TCF7L1: variants seen among roughly 807,000 people sequenced by gnomAD.
TCF7L1 encodes the protein transcription factor 7 like 1.
In TCF7L1, 18 loss-of-function variants were observed where a neutral mutation model predicts 63.7. That is an observed-to-expected ratio of 0.28 (90% CI 0.20 to 0.42). The LOEUF (loss-of-function observed/expected upper bound fraction) is 0.42. TCF7L1 is among the 10% of genes least tolerant of loss of function. The probability of loss-of-function intolerance (pLI) is 1.00; values close to 1 mark genes in which losing one functional copy is unlikely to be tolerated. For synonymous variants in TCF7L1, 355 were observed against 340.9 expected, an observed-to-expected ratio of 1.04 and a Z score of -0.46; for missense variants, 654 against 779.3, an observed-to-expected ratio of 0.84 and a Z score of 1.91.
At position 85,294,340 on chromosome 2, in the gene TCF7L1, A is replaced by G. The variant is rs142238970; in HGVS notation, c.526-8144A>G. On this transcript the variant is annotated intron_variant, in intron 4 of 11. Transcript: ENST00000282111. ...CGTGAGCCACCACGCCTGGCCGAGCATTGGGAATTTTAAAAGCTCTCTGGA... is the reference window on the plus strand; with the variant it reads ...CGTGAGCCACCACGCCTGGCCGAGCGTTGGGAATTTTAAAAGCTCTCTGGA... 9.5e-3 allele frequency among the ~76,000 whole-genome samples: 1,451 copies of G among 152,106 alleles called. 9 individuals carry two copies. Among genetic ancestry groups the G allele is most frequent in the Middle Eastern group, 0.044 (13 of 294 alleles).
At chr2:85,301,731 T>G (rs1681982329) in intron 4 of TCF7L1, among the ~76,000 whole-genome samples, 1 of 152,208 alleles carries the variant, frequency 6.6e-6, no homozygotes, top group Non-Finnish European at 1.5e-5. Flanking sequence ...CTTGGTAGTA[T>G]GAGGTCTAAT....
At position 85,134,197 on chromosome 2, in the gene TCF7L1, T is replaced by A. The variant is rs1414967437; in HGVS notation, c.313+118T>A. On this transcript the variant is annotated intron_variant, in intron 2 of 11. Transcript: ENST00000282111. This position sits in a 1 kb window ranked among gnomAD's most constrained non-coding sequence, Gnocchi z 5.0. ...ACGCACCCTTGCCCTCCGCCTTTAT[T>A]GGCGGCAGCCCCCGTGGGGCGCGCG... is the stretch of plus-strand genomic sequence containing the variant. The A allele has an allele frequency of 6.7e-7, 1 of 1,492,354 alleles. No homozygotes were observed. Among genetic ancestry groups the A allele is most frequent in the Non-Finnish European group, 8.9e-7 (1 of 1,117,608 alleles). The allele number at this position is 1,492,354 out of a possible 1,614,324, so 92.4% of individuals were successfully genotyped here.
At chr2:85,240,285 A>G (rs1451634162) in intron 3 of TCF7L1, among the ~76,000 whole-genome samples, 1 of 152,182 alleles carries the variant, frequency 6.6e-6, no homozygotes, top group Non-Finnish European at 1.5e-5. Flanking sequence ...CCTCTCTCAC[A>G]AGGCTGTTGT....
chr2:85,134,556 C>A lies in TCF7L1; in HGVS notation c.441+106C>A. The A allele has an allele frequency of 7.0e-7, 1 of 1,424,752 alleles. No homozygotes were observed. Among genetic ancestry groups the A allele is most frequent in the Non-Finnish European group, 9.3e-7 (1 of 1,073,578 alleles). The allele number at this position is 1,424,752 out of a possible 1,614,324, so 88.3% of individuals were successfully genotyped here. A position where few individuals can be genotyped will look rare whatever the true frequency, so the allele number is the denominator to read the frequency against. Reference sequence around the variant, plus strand: ...GGGATGGGGCCTTCTGCGCCGATCCCAAGCAGAACTTGTTTGCGGAGTTGA... The same window carrying A: ...GGGATGGGGCCTTCTGCGCCGATCCAAAGCAGAACTTGTTTGCGGAGTTGA... On this transcript the variant is annotated intron_variant, in intron 3 of 11. Transcript: ENST00000282111. This position sits in a 1 kb window ranked among gnomAD's most constrained non-coding sequence, Gnocchi z 5.0.
intron 3 of TCF7L1, among the ~76,000 whole-genome samples, chr2:85,183,541 C>T (rs899705950): frequency 1.3e-5 from 2 of 152,144 alleles, no homozygotes; most frequent in Admixed American, 1.3e-4. Flanking sequence ...CATAACCCTG[C>T]TGGCTTGAAT....
At chr2:85,205,461 T>TG (rs1449669040) in intron 3 of TCF7L1, among the ~76,000 whole-genome samples, 1 of 151,964 alleles carries the variant, frequency 6.6e-6, no homozygotes, top group Non-Finnish European at 1.5e-5. Context: ...GATAGATTGT[T>TG]GTGTGCATCT....
In TCF7L1 at chr2:85,309,828, G is replaced by A. The variant is rs866697369; in HGVS notation, c.*366G>A. On this transcript the variant is annotated 3_prime_UTR_variant, in exon 12 of 12. Transcript: ENST00000282111. ...CCCTGCCGCCTGCCCCAGCTTCCCC[G>A]ACTCCATCTGCAGCTCTGCCATTGT... 3.7e-5 allele frequency: 8 copies of A among 215,116 alleles called. No individual in the cohort carries two copies. In the South Asian group the frequency reaches 4.4e-4, roughly 12 times the overall value. The allele number at this position is 215,116 out of a possible 1,614,324, so 13.3% of individuals were successfully genotyped here.
intron 3 of TCF7L1, among the ~76,000 whole-genome samples, chr2:85,248,313 A>G (rs1680514313): frequency 6.6e-6 from 1 of 152,160 alleles, no homozygotes; most frequent in Admixed American, 6.5e-5. Context: ...CCGTCTGAAG[A>G]GATTGTGTAA....
At chr2:85,264,017 C>T (rs1045721077) in intron 3 of TCF7L1, among the ~76,000 whole-genome samples, 4 of 152,092 alleles carry the variant, frequency 2.6e-5, no homozygotes, top group African/African-American at 4.8e-5. Flanking sequence ...GGCAGTGGGC[C>T]GAATGATTGG....
At chr2:85,297,052 G>C (rs1458676736) in intron 4 of TCF7L1, among the ~76,000 whole-genome samples, 1 of 152,098 alleles carries the variant, frequency 6.6e-6, no homozygotes, top group Non-Finnish European at 1.5e-5. Flanking sequence ...AAGCACCCAT[G>C]CAGAAGAGAA....
chr2:85,290,261 G>A (rs191121264), intron 4 of TCF7L1, among the ~76,000 whole-genome samples: 2 of 152,252 alleles, frequency 1.3e-5, no homozygotes, highest in South Asian at 4.1e-4. Flanking sequence ...AATTACAGGC[G>A]TGAGCCACCT....
At chr2:85,219,349 A>G (rs910537896) in intron 3 of TCF7L1, among the ~76,000 whole-genome samples, 1 of 152,230 alleles carries the variant, frequency 6.6e-6, no homozygotes, top group Non-Finnish European at 1.5e-5. Flanking sequence ...AATATCTAGT[A>G]AAATCAAAGA....
At chr2:85,210,178 C>A (rs1679510184) in intron 3 of TCF7L1, among the ~76,000 whole-genome samples, 1 of 152,228 alleles carries the variant, frequency 6.6e-6, no homozygotes, top group African/African-American at 2.4e-5. Flanking sequence ...TAACTGGCTC[C>A]TTATAGTAAC....
rs138309694 is a variant in TCF7L1 at position 85,172,172 on chromosome 2, A to G, written c.441+37722A>G. Among the ~76,000 whole-genome samples, 1,403 of 152,178 alleles carry G rather than the reference A, an allele frequency of 9.2e-3. 32 individuals are homozygous for G. The highest frequency in any genetic ancestry group is 0.086 in the South Asian group (413 of 4,814). ...TTCCCACCTCACATCCCACTCAGCC[A>G]CGTCCAGCTTGGTATACCAACAAGC... is the stretch of plus-strand genomic sequence containing the variant. On this transcript the variant is annotated intron_variant, in intron 3 of 11. Transcript: ENST00000282111.
chr2:85,274,657 C>T (rs377268694), intron 3 of TCF7L1, among the ~76,000 whole-genome samples: 12 of 152,202 alleles, frequency 7.9e-5, no homozygotes, highest in Admixed American at 1.3e-4. Flanking sequence ...AGTGACTCAT[C>T]GTGGTACCTT....
chr2:85,149,965 G>C (rs114277178), intron 3 of TCF7L1, among the ~76,000 whole-genome samples: 315 of 152,266 alleles, frequency 2.1e-3, no homozygotes, highest in South Asian at 3.5e-3. Flanking sequence ...GACAAGATAC[G>C]TTCTAAAAAC....
intron 3 of TCF7L1, among the ~76,000 whole-genome samples, chr2:85,164,790 C>T (rs1174844168): frequency 3.3e-5 from 5 of 151,972 alleles, no homozygotes; most frequent in Non-Finnish European, 5.9e-5. Flanking sequence ...CATAGTACAC[C>T]GATGTATTTA....
intron 3 of TCF7L1, among the ~76,000 whole-genome samples, chr2:85,137,936 A>G (rs887433459): frequency 1.3e-5 from 2 of 151,966 alleles, no homozygotes; most frequent in African/African-American, 4.8e-5. Flanking sequence ...AAGTCAACAC[A>G]TTAGAAAGTG....
intron 4 of TCF7L1, among the ~76,000 whole-genome samples, chr2:85,290,281 CCA>C (rs1262873506): frequency 1.3e-5 from 2 of 152,094 alleles, no homozygotes; most frequent in African/African-American, 2.4e-5. Flanking sequence ...TCACCCGGCC[CCA>C]GTTTTTAAGC....
Sources: allele counts gnomAD v4.1 joint callset (sites outside exome capture counted in the v4.1 genomes callset), GRCh38; gene constraint gnomAD v4.1.1; non-coding constraint Gnocchi (gnomAD v3.1); transcripts MANE v1.5; gene names NCBI Gene and HGNC (gene_info 2026-07-23, HGNC 2026-07-21).